Variants in SNTG1 observed in about 807,000 individuals in gnomAD.
SNTG1 encodes the protein gamma-1-syntrophin.
In SNTG1, 39 loss-of-function variants were observed where a neutral mutation model predicts 74.7. That is an observed-to-expected ratio of 0.52 (90% CI 0.40 to 0.68). The LOEUF (loss-of-function observed/expected upper bound fraction) is 0.68. Ranked by LOEUF, SNTG1 falls within the 30% of genes least tolerant of loss-of-function variation. The pLI is 0.00. For synonymous variants in SNTG1, 254 were observed against 217.1 expected, an observed-to-expected ratio of 1.17 and a Z score of -1.49; for missense variants, 685 against 609.5, an observed-to-expected ratio of 1.12 and a Z score of -1.30.
chr8:50,751,849 T>C (rs2095568137), intron 17 of SNTG1, 152 bp from the exon 18 acceptor site: 2 of 449,834 alleles, frequency 4.4e-6, no homozygotes, highest in Non-Finnish European at 7.9e-6. Flanking sequence ...AATGTTAACA[T>C]TTGATAAATA....
chr8:50,625,864 C>A (rs2094953136), intron 13 of SNTG1, among the ~76,000 whole-genome samples: 1 of 152,114 alleles, frequency 6.6e-6, no homozygotes, highest in Non-Finnish European at 1.5e-5. Context: ...ATGATACAGG[C>A]AGTTGGAATA....
intron 1 of SNTG1, among the ~76,000 whole-genome samples, chr8:49,956,928 T>C (rs1218241222): frequency 2.0e-5 from 3 of 152,302 alleles, no homozygotes; most frequent in East Asian, 1.9e-4. Flanking sequence ...ATACTGCATG[T>C]TATTGTTTAT....
chr8:50,001,508 G>A (rs1013180976), intron 1 of SNTG1, among the ~76,000 whole-genome samples: 1 of 152,158 alleles, frequency 6.6e-6, no homozygotes. Context: ...GTTCAGTCAA[G>A]GAGAGAACAC....
intron 17 of SNTG1, among the ~76,000 whole-genome samples, chr8:50,727,991 C>T (rs910381179): frequency 1.7e-4 from 26 of 152,126 alleles, no homozygotes; most frequent in African/African-American, 5.1e-4. Flanking sequence ...CAGAAAGCAC[C>T]GTGGCTTATG....
chr8:50,379,949 G>A (rs1695091854), intron 2 of SNTG1, among the ~76,000 whole-genome samples: 1 of 152,192 alleles, frequency 6.6e-6, no homozygotes. Context: ...CTGCCTGGCA[G>A]GAGCTTGGAC....
At chr8:50,132,165 A>G (rs1478055158) in intron 1 of SNTG1, among the ~76,000 whole-genome samples, 2 of 152,028 alleles carry the variant, frequency 1.3e-5, no homozygotes, top group Non-Finnish European at 2.9e-5. Context: ...TTATGGGTCT[A>G]TTGTCATTCC....
chr8:50,778,099 T>C (rs539577407), intron 18 of SNTG1, among the ~76,000 whole-genome samples: 1 of 152,320 alleles, frequency 6.6e-6, no homozygotes, highest in African/African-American at 2.4e-5. Context: ...ATCGAGTCTA[T>C]CATTGATGGA....
At chr8:50,513,506 C>T (rs2094103806) in intron 9 of SNTG1, among the ~76,000 whole-genome samples, 1 of 152,224 alleles carries the variant, frequency 6.6e-6, no homozygotes, top group Non-Finnish European at 1.5e-5. Context: ...TATGCCCTGC[C>T]CCCAGTGGCG....
intron 13 of SNTG1, among the ~76,000 whole-genome samples, chr8:50,632,285 T>TTTTATTTATTCATTTATTTA (rs758805653): frequency 1.5e-5 from 2 of 134,362 alleles, no homozygotes; most frequent in African/African-American, 3.4e-5. Flanking sequence ...GTCTTTTTAA[T>TTTTATTTATTCATTTATTTA]TTTATTTATT....
chr8:50,720,699 A>C (rs117533678), intron 17 of SNTG1, among the ~76,000 whole-genome samples: 2,476 of 152,320 alleles, frequency 0.016, 30 homozygotes, highest in Middle Eastern at 0.041. Context: ...AGGTATGTTT[A>C]CGGTTATTGC....
chr8:50,415,601 A>T (rs1464258639), intron 4 of SNTG1, among the ~76,000 whole-genome samples: 2 of 152,072 alleles, frequency 1.3e-5, no homozygotes, highest in African/African-American at 2.4e-5. Flanking sequence ...AGTTTAAAAA[A>T]ATATATTTTT....
At chr8:50,201,095 AC>A in intron 2 of SNTG1, among the ~76,000 whole-genome samples, 1 of 152,162 alleles carries the variant, frequency 6.6e-6, no homozygotes, top group Non-Finnish European at 1.5e-5. Context: ...CATGAAAAAA[AC>A]AATATGTTAT....
At chr8:50,660,191 A>G (rs979375277) in intron 15 of SNTG1, among the ~76,000 whole-genome samples, 2 of 151,908 alleles carry the variant, frequency 1.3e-5, no homozygotes, top group Admixed American at 6.6e-5. Context: ...AAGAAAAGAA[A>G]GAAAGAAAAG....
intron 2 of SNTG1, among the ~76,000 whole-genome samples, chr8:50,307,967 G>T (rs2089966881): frequency 6.6e-6 from 1 of 151,852 alleles, no homozygotes; most frequent in African/African-American, 2.4e-5. Context: ...CTTTCCCTTT[G>T]CCCATATTTT....
At chr8:50,690,555 G>T (rs560087606) in intron 15 of SNTG1, among the ~76,000 whole-genome samples, 2 of 152,268 alleles carry the variant, frequency 1.3e-5, no homozygotes, top group South Asian at 4.1e-4. Flanking sequence ...TAGTTGTGTG[G>T]TTTTGAGTGA....
chr8:50,675,516 T>C (rs2095306080), intron 15 of SNTG1, among the ~76,000 whole-genome samples: 1 of 151,872 alleles, frequency 6.6e-6, no homozygotes, highest in South Asian at 2.1e-4. Flanking sequence ...CTTGGTAAAT[T>C]TTCTTCCATC....
chr8:50,717,196 C>A (rs1022271651), intron 17 of SNTG1, among the ~76,000 whole-genome samples: 1 of 152,050 alleles, frequency 6.6e-6, no homozygotes, highest in African/African-American at 2.4e-5. Flanking sequence ...AATTTTATGT[C>A]TTGTTTTCCT....
intron 15 of SNTG1, among the ~76,000 whole-genome samples, chr8:50,703,089 T>C (rs1585589290): frequency 1.3e-5 from 2 of 152,128 alleles, no homozygotes; most frequent in East Asian, 3.9e-4. Context: ...TACTGAGCAC[T>C]TAGACTACAC....
intron 12 of SNTG1, among the ~76,000 whole-genome samples, chr8:50,555,619 T>C (rs867523585): frequency 1.3e-5 from 2 of 152,164 alleles, no homozygotes; most frequent in Non-Finnish European, 2.9e-5. Flanking sequence ...TATTTGCCAA[T>C]ATTCTGAGAG....
Sources: allele counts gnomAD v4.1 joint callset (sites outside exome capture counted in the v4.1 genomes callset), GRCh38; gene constraint gnomAD v4.1.1; transcripts MANE v1.5; gene names NCBI Gene and HGNC (gene_info 2026-07-23, HGNC 2026-07-21).